Variants in SH3BP5 observed in about 807,000 individuals in gnomAD.
SH3BP5 encodes the protein SH3 domain binding protein 5.
A neutral mutation model predicts 43.3 loss-of-function variants in SH3BP5; 22 were observed. That is an observed-to-expected ratio of 0.51 (90% confidence interval 0.36 to 0.73). SH3BP5 has a LOEUF of 0.73. Among genes scored for constraint, SH3BP5 ranks in the 30% least tolerant of loss-of-function variants. The pLI, the probability that SH3BP5 is intolerant of heterozygous loss-of-function variation, is 0.00. For missense variants in SH3BP5, 529 were observed against 586.9 expected (o/e 0.90, Z 1.02); for synonymous variants, 255 against 225.8 (o/e 1.13, Z -1.16).
intron 2 of SH3BP5, among the ~76,000 whole-genome samples, chr3:15,310,567 G>A (rs1016962377): frequency 3.3e-5 from 5 of 152,162 alleles, no homozygotes; most frequent in African/African-American, 1.2e-4. Flanking sequence ...TGCAGAAAAT[G>A]AGCCATGGAG....
chr3:15,276,888 GAT>G (rs1298221603), intron 3 of SH3BP5, among the ~76,000 whole-genome samples: 5 of 152,228 alleles, frequency 3.3e-5, no homozygotes, highest in African/African-American at 1.2e-4. Flanking sequence ...ATAGTATATA[GAT>G]ATAGTACATC....
At chr3:15,338,240 G>C (rs923651820) in intron 1 of SH3BP5, among the ~76,000 whole-genome samples, 1 of 152,082 alleles carries the variant, frequency 6.6e-6, no homozygotes, top group Non-Finnish European at 1.5e-5. Flanking sequence ...CTACTCCAGA[G>C]GCTGAGATGG....
intron 2 of SH3BP5, among the ~76,000 whole-genome samples, chr3:15,309,908 C>T (rs1030036520): frequency 1.1e-5 from 1 of 93,664 alleles, no homozygotes; most frequent in Non-Finnish European, 2.1e-5. Context: ...CCCGCTCCAC[C>T]CCCCCCCCAT....
At chr3:15,259,961 T>C (rs777910858) in intron 5 of SH3BP5, 158 bp from the exon 6 acceptor site, 16 of 677,482 alleles carry the variant, frequency 2.4e-5, no homozygotes, top group Non-Finnish European at 3.4e-5. Context: ...GTGATGCTCC[T>C]AGCTCTGGAG....
intron 2 of SH3BP5, among the ~76,000 whole-genome samples, chr3:15,327,268 C>T (rs975191536): frequency 2.6e-5 from 4 of 152,102 alleles, no homozygotes; most frequent in South Asian, 2.1e-4. Context: ...GGCATGGTGG[C>T]GCACGCCTGT....
chr3:15,306,403 A>G (rs1167541381), intron 2 of SH3BP5, among the ~76,000 whole-genome samples: 5 of 152,072 alleles, frequency 3.3e-5, no homozygotes, highest in Admixed American at 3.3e-4. Flanking sequence ...CCGTGTGCCT[A>G]TGGCCAGGGC....
rs1696177213 is a variant in SH3BP5, at chr3:15,255,918, G to C, written c.*168C>G. On this transcript the variant is annotated 3_prime_UTR_variant, in exon 9 of 9. Coordinates refer to ENST00000383791, the MANE Select transcript of SH3BP5 (RefSeq NM_004844.5). ...TCTGCTCTGAAAAACCAGCCCAAGA[G>C]CTCTTACCCAGAAGAACAATCTTTA... The C allele has an allele frequency of 1.5e-5, 10 of 653,638 alleles. No homozygotes were observed. Among genetic ancestry groups the C allele is most frequent in the Non-Finnish European group, 2.4e-5 (9 of 374,516 alleles). 40.5% of individuals were successfully genotyped at this position (653,638 alleles called of 1,614,324 possible). A position where few individuals can be genotyped will look rare whatever the true frequency, so the allele number is the denominator to read the frequency against.
intron 2 of SH3BP5, among the ~76,000 whole-genome samples, chr3:15,329,482 C>T (rs1049889988): frequency 5.3e-5 from 8 of 152,184 alleles, no homozygotes; most frequent in South Asian, 2.1e-4. Context: ...AGGTGGTTAG[C>T]GATAACCCTT....
chr3:15,318,805 CA>C (rs1380668619), intron 2 of SH3BP5, among the ~76,000 whole-genome samples: 1 of 152,228 alleles, frequency 6.6e-6, no homozygotes, highest in African/African-American at 2.4e-5. Context: ...TTCGTAGCCT[CA>C]AGCCATCTGC....
chr3:15,326,211 C>T (rs1354193414), intron 2 of SH3BP5, among the ~76,000 whole-genome samples: 1 of 152,194 alleles, frequency 6.6e-6, no homozygotes, highest in Admixed American at 6.5e-5. Flanking sequence ...AGGTCAGAGG[C>T]AAACCCAGGT....
chr3:15,300,567 GC>G (rs1262188420), intron 3 of SH3BP5, among the ~76,000 whole-genome samples: 2 of 151,966 alleles, frequency 1.3e-5, no homozygotes, highest in Admixed American at 6.6e-5. Flanking sequence ...AGTGGACATC[GC>G]CCCCCTCACC....
At chr3:15,320,640 A>ACACACACACACACACACACACACACC (rs373879792) in intron 2 of SH3BP5, among the ~76,000 whole-genome samples, 108 of 149,652 alleles carry the variant, frequency 7.2e-4, no homozygotes, top group African/African-American at 1.6e-3. Flanking sequence ...ACACACACAC[A>ACACACACACACACACACACACACACC]CCCCACTACG....
intron 3 of SH3BP5, among the ~76,000 whole-genome samples, chr3:15,291,277 G>GGGTTCC (rs1470285661): frequency 1.3e-5 from 2 of 152,144 alleles, no homozygotes; most frequent in Admixed American, 6.5e-5. Context: ...GTGGGAGCCA[G>GGGTTCC]GGTTCCTCCA....
At chr3:15,282,065 A>G (rs773337274) in intron 3 of SH3BP5, among the ~76,000 whole-genome samples, 1 of 152,140 alleles carries the variant, frequency 6.6e-6, no homozygotes, top group Non-Finnish European at 1.5e-5. Flanking sequence ...TGATTTGACC[A>G]GGACAATTGA....
At chr3:15,315,167 C>A (rs544534643) in intron 2 of SH3BP5, among the ~76,000 whole-genome samples, 1 of 145,030 alleles carries the variant, frequency 6.9e-6, no homozygotes, top group South Asian at 2.3e-4. Flanking sequence ...CTATTAATAA[C>A]TGTGCTGGGA....
At chr3:15,338,295 A>G (rs1698725920) in intron 1 of SH3BP5, among the ~76,000 whole-genome samples, 1 of 151,940 alleles carries the variant, frequency 6.6e-6, no homozygotes, top group African/African-American at 2.4e-5. Flanking sequence ...GTGAACCAAG[A>G]CTACACTACT....
chr3:15,256,872 A>G lies in SH3BP5; in HGVS notation c.1131T>C (p.Pro377=), dbSNP rs554774765. The change falls in exon 8 of 9, where the codon CCT becomes CCC. Residue 377 remains proline, a synonymous_variant. Coordinates refer to ENST00000383791, the MANE Select transcript of SH3BP5 (RefSeq NM_004844.5). ...ACTCACCTCGTTCTACTTCACATTC[A>G]GGGGAGGAGGCCCCGCTGCATTCAC... ...PRSECSGASS[P]ECEVERGDRA... 2.6e-5 allele frequency: 42 copies of G among 1,611,362 alleles called. No homozygotes were observed. Among genetic ancestry groups the G allele is most frequent in the South Asian group, 8.8e-5 (8 of 90,986 alleles).
chr3:15,282,955 C>T (rs996231416), intron 3 of SH3BP5, among the ~76,000 whole-genome samples: 1 of 152,044 alleles, frequency 6.6e-6, no homozygotes, highest in Non-Finnish European at 1.5e-5. Flanking sequence ...TTTTTGAAGG[C>T]GTTGGTTCAT....
intron 3 of SH3BP5, chr3:15,272,986 C>G: frequency 4.5e-6 from 1 of 219,806 alleles, no homozygotes; most frequent in Non-Finnish European, 7.6e-6. Flanking sequence ...ATTAGTGGTT[C>G]TTAGTTCTTT....
Sources: allele counts gnomAD v4.1 joint callset (sites outside exome capture counted in the v4.1 genomes callset), GRCh38; gene constraint gnomAD v4.1.1; transcripts MANE v1.5; gene names NCBI Gene and HGNC (gene_info 2026-07-23, HGNC 2026-07-21).